MRTFB: variants seen among roughly 807,000 people sequenced by gnomAD.
MRTFB encodes the protein myocardin related transcription factor B, also known as myocardin-related transcription factor B.
A neutral mutation model predicts 104.2 loss-of-function variants in MRTFB; 29 were observed. The ratio of observed to expected loss-of-function variants is 0.28; its 90% CI spans 0.21 to 0.38. The LOEUF is 0.38. Ranked by LOEUF, MRTFB falls within the 10% of genes least tolerant of loss-of-function variation. The probability of loss-of-function intolerance (pLI) is 1.00; values close to 1 mark genes in which losing one functional copy is unlikely to be tolerated. For missense variants in MRTFB, 1,270 were observed against 1,341.6 expected (o/e 0.95, Z 0.83); for synonymous variants, 535 against 519.5 (o/e 1.03, Z -0.41).
the MRTFB span, among the ~76,000 whole-genome samples, chr16:14,019,915 C>T: frequency 1.6e-4 from 24 of 152,142 alleles, no homozygotes; most frequent in African/African-American, 3.9e-4. Context: ...TGGAAGGAAA[C>T]ATCAGTCTTA....
the MRTFB span, among the ~76,000 whole-genome samples, chr16:14,065,537 G>A: frequency 1.3e-5 from 2 of 152,006 alleles, no homozygotes; most frequent in Non-Finnish European, 2.9e-5. Context: ...GTCTTGTTCT[G>A]GTTTTCAAGG....
chr16:14,163,553 C>T (rs1050504136), intron 3 of MRTFB, among the ~76,000 whole-genome samples: 10 of 152,046 alleles, frequency 6.6e-5, no homozygotes, highest in African/African-American at 1.7e-4. Context: ...AACTTTTGGC[C>T]GGGCACAGTG....
chr16:14,088,626 C>T (rs545251275), intron 2 of MRTFB, among the ~76,000 whole-genome samples: 42 of 152,314 alleles, frequency 2.8e-4, no homozygotes, highest in African/African-American at 9.9e-4. Context: ...GCCAAGGAGC[C>T]TGCCAGGGTG....
At chr16:14,052,584 A>G in the MRTFB span, among the ~76,000 whole-genome samples, 1 of 152,066 alleles carries the variant, frequency 6.6e-6, no homozygotes, top group Non-Finnish European at 1.5e-5. Flanking sequence ...CTAAAAATAC[A>G]AAAAATTAGC....
rs2043044484 is a variant in MRTFB, at chr16:14,247,018, G to A, written c.1758G>A (p.Arg586=). The change falls in exon 12 of 17, where the codon AGG becomes AGA. Residue 586 remains arginine (R), a synonymous_variant. Transcript: ENST00000571589. ...AGAAGCAAATCGAAGAGCTGAAGAG[G>A]AAACTGGAACAAGAGCAGAAGCTCG... ...EKEKQIEELK[R]KLEQEQKLVE... is the part of the protein sequence containing the mutation. 2 of 1,614,212 alleles carry A rather than the reference G, an allele frequency of 1.2e-6. No individual in the cohort carries two copies. The highest frequency in any genetic ancestry group is 1.7e-5 in the Admixed American group (1 of 60,034).
At chr16:14,191,509 C>G (rs1022687577) in intron 3 of MRTFB, among the ~76,000 whole-genome samples, 1 of 152,224 alleles carries the variant, frequency 6.6e-6, no homozygotes, top group African/African-American at 2.4e-5. Flanking sequence ...TAGAGCTGCA[C>G]TGTCTTTGCT....
At chr16:14,049,561 C>G in the MRTFB span, among the ~76,000 whole-genome samples, 1 of 152,142 alleles carries the variant, frequency 6.6e-6, no homozygotes, top group Non-Finnish European at 1.5e-5. Context: ...GGATTGGATC[C>G]TGGATCAGAA....
At chr16:14,178,125 T>A (rs1191581444) in intron 3 of MRTFB, among the ~76,000 whole-genome samples, 2 of 152,126 alleles carry the variant, frequency 1.3e-5, no homozygotes, top group Non-Finnish European at 2.9e-5. Context: ...TGATCACAGT[T>A]TTGTAAGTAG....
At chr16:14,052,545 C>T in the MRTFB span, among the ~76,000 whole-genome samples, 3 of 151,976 alleles carry the variant, frequency 2.0e-5, no homozygotes, top group African/African-American at 7.3e-5. Flanking sequence ...TTGAGACCAA[C>T]CTGACCAACA....
At chr16:14,028,520 G>T in the MRTFB span, among the ~76,000 whole-genome samples, 1 of 152,156 alleles carries the variant, frequency 6.6e-6, no homozygotes, top group African/African-American at 2.4e-5. Context: ...TTCTATTCTG[G>T]CCATTCGGTT....
intron 13 of MRTFB, among the ~76,000 whole-genome samples, chr16:14,250,095 G>GT (rs2043194251): frequency 6.6e-6 from 1 of 152,250 alleles, no homozygotes; most frequent in South Asian, 2.1e-4. Context: ...TATGTAGATA[G>GT]GATAAATAAG....
At chr16:14,157,516 T>TA in intron 3 of MRTFB, among the ~76,000 whole-genome samples, 1 of 152,292 alleles carries the variant, frequency 6.6e-6, no homozygotes, top group Middle Eastern at 3.4e-3. Flanking sequence ...GGCCACCCCT[T>TA]ACTGCCCACA....
intron 9 of MRTFB, among the ~76,000 whole-genome samples, chr16:14,236,967 G>A (rs2042544354): frequency 2.0e-5 from 3 of 152,214 alleles, no homozygotes; most frequent in Non-Finnish European, 2.9e-5. Context: ...TATGTGGTGT[G>A]AAGAAGAGGA....
chr16:14,234,395 C>G, intron 9 of MRTFB, 112 bp downstream of exon 9: 5 of 1,290,050 alleles, frequency 3.9e-6, no homozygotes, highest in Non-Finnish European at 5.2e-6. Context: ...TGCCTTTTAG[C>G]CCAAAGTCTT....
chr16:14,147,294 T>C (rs2038365236), intron 3 of MRTFB, among the ~76,000 whole-genome samples: 1 of 152,218 alleles, frequency 6.6e-6, no homozygotes, highest in South Asian at 2.1e-4. Context: ...GCTGTAAGCC[T>C]CCCGACAACT....
chr16:14,228,729 A>G (rs1341215897), intron 8 of MRTFB, among the ~76,000 whole-genome samples: 2 of 152,248 alleles, frequency 1.3e-5, no homozygotes, highest in African/African-American at 4.8e-5. Flanking sequence ...ATACGTTGGA[A>G]TAGTATTCAG....
the MRTFB span, among the ~76,000 whole-genome samples, chr16:14,038,069 A>C: frequency 2.6e-5 from 4 of 152,198 alleles, no homozygotes. Context: ...TGACTTAAAC[A>C]ACAGAAACTT....
intron 8 of MRTFB, among the ~76,000 whole-genome samples, chr16:14,228,964 T>G (rs967862175): frequency 6.6e-5 from 10 of 152,216 alleles, no homozygotes; most frequent in Admixed American, 6.5e-4. Context: ...GTGTATTGCT[T>G]GGGAACATGA....
At chr16:14,224,169 A>G in intron 8 of MRTFB, among the ~76,000 whole-genome samples, 1 of 152,206 alleles carries the variant, frequency 6.6e-6, no homozygotes, top group Admixed American at 6.5e-5. Flanking sequence ...TATCATGAGA[A>G]CAGAAAGGGG....
Sources: gnomAD v4.1 joint callset for allele counts (sites outside exome capture counted in the v4.1 genomes callset) on GRCh38, gnomAD v4.1.1 for gene constraint, MANE v1.5 for transcripts, NCBI Gene and HGNC (gene_info 2026-07-23, HGNC 2026-07-21) for gene names.